The following LARP4B variants were observed in gnomAD, a reference collection of about 807,000 sequenced individuals.
The protein encoded by LARP4B is La ribonucleoprotein 4B, also known as la-related protein 4B.
LARP4B carries 12 observed loss-of-function variants against 89.8 expected under a neutral mutation model. The observed-to-expected ratio is 0.13, with a 90% CI of 0.09 to 0.22. The LOEUF is 0.22. Ranked by LOEUF, LARP4B falls within the 10% of genes least tolerant of loss-of-function variation. LARP4B has a pLI of 1.00. For synonymous variants in LARP4B, 367 were observed against 363.3 expected (o/e 1.01, Z -0.12); for missense variants, 757 against 947.7 (o/e 0.80, Z 2.64).
chr10:944,522 C>A, the LARP4B span, among the ~76,000 whole-genome samples: 23 of 152,334 alleles, frequency 1.5e-4, no homozygotes, highest in East Asian at 4.2e-3. Flanking sequence ...CGTTGCAATG[C>A]TGCTGTAGGT....
intron 1 of LARP4B, chr10:903,547 G>A (rs1194337027): frequency 6.6e-6 from 1 of 152,124 alleles, no homozygotes; most frequent in Non-Finnish European, 1.5e-5. Context: ...AAATGCTGAT[G>A]GACAAACGTA....
intron 3 of LARP4B, among the ~76,000 whole-genome samples, chr10:867,755 G>A (rs1763808052): frequency 6.6e-6 from 1 of 151,576 alleles, no homozygotes; most frequent in African/African-American, 2.4e-5. Flanking sequence ...CAGCTACTTG[G>A]GAGGCTGAGG....
chr10:888,691 C>G (rs1186584873), intron 1 of LARP4B, among the ~76,000 whole-genome samples: 6 of 152,180 alleles, frequency 3.9e-5, no homozygotes, highest in African/African-American at 1.4e-4. Flanking sequence ...CAATTACGTA[C>G]CTAATTTTGG....
At chr10:914,653 G>A (rs1480524641) in intron 1 of LARP4B, among the ~76,000 whole-genome samples, 1 of 151,632 alleles carries the variant, frequency 6.6e-6, no homozygotes, top group Non-Finnish European at 1.5e-5. Context: ...AAATTAGCTG[G>A]GCATGGTGGC....
intron 3 of LARP4B, chr10:872,933 G>T: frequency 1.4e-6 from 1 of 707,404 alleles, no homozygotes; most frequent in Non-Finnish European, 1.7e-6. Flanking sequence ...CCCAGACCCT[G>T]CGAAAATCCT....
At chr10:880,168 T>C (rs1422227531) in intron 3 of LARP4B, among the ~76,000 whole-genome samples, 2 of 152,190 alleles carry the variant, frequency 1.3e-5, no homozygotes, top group Non-Finnish European at 2.9e-5. Flanking sequence ...CACGTGTCAC[T>C]TGCGTACAAA....
intron 5 of LARP4B, among the ~76,000 whole-genome samples, chr10:858,492 ATC>A (rs1458081931): frequency 1.3e-5 from 2 of 152,252 alleles, no homozygotes; most frequent in African/African-American, 4.8e-5. Context: ...CAACAATGTT[ATC>A]TTAGATATGA....
chr10:983,818 T>C, the LARP4B span, among the ~76,000 whole-genome samples: 1 of 152,184 alleles, frequency 6.6e-6, no homozygotes, highest in African/African-American at 2.4e-5. Flanking sequence ...ATGCTGAGAT[T>C]TGGAGACTAT....
intron 3 of LARP4B, among the ~76,000 whole-genome samples, chr10:882,617 G>T (rs542552255): frequency 7.4e-4 from 112 of 152,196 alleles, no homozygotes; most frequent in Non-Finnish European, 1.1e-3. Flanking sequence ...TCGATCTCAG[G>T]GAAACCATAT....
downstream of LARP4B, chr10:809,198 A>G (rs1346764480): frequency 6.6e-6 from 1 of 152,246 alleles, no homozygotes; most frequent in Non-Finnish European, 1.5e-5. Flanking sequence ...ACCCAACGTT[A>G]GCTCCAAACA....
the LARP4B span, among the ~76,000 whole-genome samples, chr10:976,990 A>C: frequency 3.3e-5 from 5 of 152,176 alleles, no homozygotes; most frequent in Non-Finnish European, 7.3e-5. Flanking sequence ...AGTAGAACAT[A>C]GGCCTGTCAT....
upstream of LARP4B, among the ~76,000 whole-genome samples, chr10:936,239 C>A (rs1024962934): frequency 6.6e-6 from 1 of 151,896 alleles, no homozygotes; most frequent in African/African-American, 2.4e-5. Flanking sequence ...AAGCAGGTAA[C>A]GAGGGATGGA....
At chr10:945,066 T>C in the LARP4B span, among the ~76,000 whole-genome samples, 2 of 152,214 alleles carry the variant, frequency 1.3e-5, no homozygotes, top group African/African-American at 4.8e-5. Flanking sequence ...AATTCATATT[T>C]TATAAATGTA....
chr10:860,543 CT>C (rs1402095592), intron 5 of LARP4B, among the ~76,000 whole-genome samples: 2 of 152,188 alleles, frequency 1.3e-5, no homozygotes, highest in Admixed American at 1.3e-4. Flanking sequence ...TTTATGAACA[CT>C]TTTTATTGGC....
chr10:912,914 C>T lies in LARP4B; in HGVS notation c.-40+18514G>A, dbSNP rs567349271. Among the ~76,000 whole-genome samples the T allele has an allele frequency of 1.2e-4, 19 of 152,182 alleles. 1 individual carries two copies. The South Asian group carries it at 2.5e-3, about 20-fold the overall frequency. On this transcript the variant is annotated intron_variant, in intron 1 of 17. Coordinates refer to ENST00000316157, the MANE Select transcript of LARP4B (RefSeq NM_015155.3). Reference sequence around the variant, plus strand: ...CTGACATTTAGCTAGCTATCCTGAACCTCTTTATAAAAGAAACTGACATCT... The same window carrying T: ...CTGACATTTAGCTAGCTATCCTGAATCTCTTTATAAAAGAAACTGACATCT...
the LARP4B span, among the ~76,000 whole-genome samples, chr10:950,745 G>A: frequency 1.3e-5 from 2 of 151,978 alleles, no homozygotes; most frequent in Non-Finnish European, 2.9e-5. Flanking sequence ...ATTTTTTTGA[G>A]TGACTGTAAA....
At chr10:974,056 G>A in the LARP4B span, among the ~76,000 whole-genome samples, 1 of 152,158 alleles carries the variant, frequency 6.6e-6, no homozygotes, top group Non-Finnish European at 1.5e-5. Flanking sequence ...AGCTCCCTGT[G>A]TCCCAAAGGT....
chr10:848,348 T>C (rs1218064751), intron 5 of LARP4B, among the ~76,000 whole-genome samples: 1 of 151,898 alleles, frequency 6.6e-6, no homozygotes, highest in African/African-American at 2.4e-5. Context: ...AATACAAAAA[T>C]ACTAAGCCCT....
At chr10:851,575 G>A (rs1834052611) in intron 5 of LARP4B, among the ~76,000 whole-genome samples, 2 of 152,166 alleles carry the variant, frequency 1.3e-5, no homozygotes, top group African/African-American at 4.8e-5. Context: ...CAATAACAGA[G>A]ATGAGTGATG....
Sources: allele counts gnomAD v4.1 joint callset (sites outside exome capture counted in the v4.1 genomes callset), GRCh38; gene constraint gnomAD v4.1.1; transcripts MANE v1.5; gene names NCBI Gene and HGNC (gene_info 2026-07-23, HGNC 2026-07-21).